Variants in SYTL2 observed in about 807,000 individuals in gnomAD.
The protein encoded by SYTL2 is synaptotagmin like 2, also known as synaptotagmin-like protein 2.
Under a neutral mutation model 198.7 loss-of-function variants are expected in SYTL2, and 165 were observed. That is an observed-to-expected ratio of 0.83 (90% confidence interval 0.73 to 0.94). The LOEUF (loss-of-function observed/expected upper bound fraction) is 0.94. Ranked by LOEUF, SYTL2 falls within the 40% of genes least tolerant of loss-of-function variation. The pLI is 0.00. For missense variants in SYTL2, 2,835 were observed against 2,582.8 expected, an observed-to-expected ratio of 1.10 and a Z score of -2.12; for synonymous variants, 966 against 917.7, an observed-to-expected ratio of 1.05 and a Z score of -0.95.
intron 7 of SYTL2, among the ~76,000 whole-genome samples, chr11:85,732,553 G>A (rs772895302): frequency 1.3e-5 from 2 of 151,880 alleles, no homozygotes; most frequent in Non-Finnish European, 2.9e-5. Context: ...GAGAACACAC[G>A]GAAAACAAGG....
At chr11:85,773,126 C>T (rs972259056) in intron 1 of SYTL2, among the ~76,000 whole-genome samples, 1 of 152,220 alleles carries the variant, frequency 6.6e-6, no homozygotes, top group Non-Finnish European at 1.5e-5. Flanking sequence ...ACTTTCCTTT[C>T]CTTTCCTTGG....
chr11:85,721,012 T>C (rs2088232633), intron 8 of SYTL2, 53 bp from the exon 9 acceptor site: 1 of 948,510 alleles, frequency 1.1e-6, no homozygotes, highest in Admixed American at 2.1e-5. Flanking sequence ...AAAAAAAAAA[T>C]CCTCTAACAT....
chr11:85,755,980 T>C (rs2091845057), intron 2 of SYTL2, among the ~76,000 whole-genome samples: 1 of 152,132 alleles, frequency 6.6e-6, no homozygotes, highest in South Asian at 2.1e-4. Context: ...CCCCAATCTT[T>C]TCTTTTGGGA....
chr11:85,699,903 G>T (rs1367234499), intron 17 of SYTL2, among the ~76,000 whole-genome samples: 1 of 152,114 alleles, frequency 6.6e-6, no homozygotes, highest in South Asian at 2.1e-4. Context: ...GAGAGTGGAG[G>T]GTGAATGAGC....
At chr11:85,753,924 C>T (rs550837730) in intron 2 of SYTL2, among the ~76,000 whole-genome samples, 12 of 152,120 alleles carry the variant, frequency 7.9e-5, no homozygotes, top group Non-Finnish European at 1.5e-4. Flanking sequence ...TACCGCCATA[C>T]TGAAAAAGAT....
At chr11:85,792,991 G>A (rs894462797) in intron 1 of SYTL2, among the ~76,000 whole-genome samples, 1 of 151,842 alleles carries the variant, frequency 6.6e-6, no homozygotes, top group Non-Finnish European at 1.5e-5. Flanking sequence ...GTATTCCATG[G>A]TGTATATGTG....
In SYTL2 at chr11:85,726,174, C is replaced by T. The variant is rs1291655912; in HGVS notation, c.3184G>A (p.Val1062Met). ...GGAAATGTGATTTCATCTGGTAGCA[C>T]CTGGAGTATGCCCTTTGAATTTAAT... is the stretch of plus-strand genomic sequence containing the variant. ...EKLNSKGILQ[V>M]LPDEITFPLS... Residue 1062 changes from valine (V) to methionine (M), a missense_variant, in exon 8 of 20, where the codon GTG (valine) becomes ATG (methionine). By Grantham distance (21) the Val-to-Met change is conservative. Around this residue, in one of 3 missense-constraint regions of SYTL2, gnomAD observed 2,645 missense variants for 2,381.7 expected, o/e 1.11. Transcript: ENST00000359152. 2 of 1,613,862 alleles carry T rather than the reference C, an allele frequency of 1.2e-6. No homozygotes were observed. The highest frequency in any genetic ancestry group is 2.2e-5 in the East Asian group (1 of 44,878).
chr11:85,696,758 T>C (rs1012183618), intron 18 of SYTL2, among the ~76,000 whole-genome samples: 1 of 152,218 alleles, frequency 6.6e-6, no homozygotes, highest in Admixed American at 6.5e-5. Context: ...GCTCCATGCC[T>C]GCATTTAGTA....
At chr11:85,854,133 G>A in the SYTL2 span, 1 of 152,142 alleles carries the variant, frequency 6.6e-6, no homozygotes, top group South Asian at 2.1e-4. Flanking sequence ...GATTGTAGGC[G>A]TGAGGGATTA....
At chr11:85,755,820 C>G (rs564296453) in intron 2 of SYTL2, among the ~76,000 whole-genome samples, 55 of 152,110 alleles carry the variant, frequency 3.6e-4, no homozygotes, top group Non-Finnish European at 3.5e-4. Flanking sequence ...AGCTGACTAT[C>G]TAGAGGGGCA....
At chr11:85,701,868 C>T (rs894961601) in intron 16 of SYTL2, among the ~76,000 whole-genome samples, 1 of 152,142 alleles carries the variant, frequency 6.6e-6, no homozygotes, top group Non-Finnish European at 1.5e-5. Flanking sequence ...ACAGACAGGA[C>T]TCAAATGAAC....
intron 13 of SYTL2, among the ~76,000 whole-genome samples, chr11:85,709,967 G>GCCA (rs1313470021): frequency 6.6e-6 from 1 of 152,204 alleles, no homozygotes; most frequent in Non-Finnish European, 1.5e-5. Flanking sequence ...ACAGGCATGA[G>GCCA]CCACCGCGCC....
At chr11:85,820,681 A>G in the SYTL2 span, among the ~76,000 whole-genome samples, 1 of 152,238 alleles carries the variant, frequency 6.6e-6, no homozygotes, top group East Asian at 1.9e-4. Context: ...GCTAAAGCCT[A>G]TTTAATCAAT....
chr11:85,717,103 G>A (rs910426974), intron 11 of SYTL2: 8 of 156,000 alleles, frequency 5.1e-5, no homozygotes, highest in Non-Finnish European at 9.9e-5. Flanking sequence ...CTACAGTTTC[G>A]TACAGAGGCC....
intron 1 of SYTL2, among the ~76,000 whole-genome samples, chr11:85,778,849 T>C (rs979633852): frequency 2.0e-5 from 3 of 152,214 alleles, no homozygotes; most frequent in African/African-American, 4.8e-5. Context: ...TAGTGGTGCA[T>C]GCCAAGTAGT....
the SYTL2 span, among the ~76,000 whole-genome samples, chr11:85,847,962 C>T: frequency 6.6e-6 from 1 of 152,162 alleles, no homozygotes; most frequent in Non-Finnish European, 1.5e-5. Flanking sequence ...CATGGTGGCT[C>T]ACACCTATGA....
At chr11:85,709,186 A>C in intron 14 of SYTL2, 145 bp downstream of exon 14, 2 of 783,722 alleles carry the variant, frequency 2.6e-6, no homozygotes, top group Admixed American at 2.4e-5. Context: ...AATTTATAGA[A>C]TAAAACAGCA....
chr11:85,698,960 A>G (rs1227745150), intron 17 of SYTL2, among the ~76,000 whole-genome samples: 1 of 152,352 alleles, frequency 6.6e-6, no homozygotes, highest in East Asian at 1.9e-4. Context: ...GGTTCATACG[A>G]ACAGAGGAAT....
chr11:85,769,713 G>A (rs2092318398), intron 1 of SYTL2, among the ~76,000 whole-genome samples: 2 of 152,190 alleles, frequency 1.3e-5, no homozygotes, highest in African/African-American at 4.8e-5. Context: ...AGAGGCTGAA[G>A]AAGAGACCCA....
Sources: gnomAD v4.1 joint callset for allele counts (sites outside exome capture counted in the v4.1 genomes callset) on GRCh38, gnomAD v4.1.1 for gene constraint, gnomAD v4.1.1 regional missense constraint, MANE v1.5 for transcripts, NCBI Gene and HGNC (gene_info 2026-07-23, HGNC 2026-07-21) for gene names.